SYPL1: variants seen among roughly 807,000 people sequenced by gnomAD.
The protein encoded by SYPL1 is synaptophysin like 1, also known as synaptophysin-like protein 1.
A neutral mutation model predicts 23.7 loss-of-function variants in SYPL1; 6 were observed. That is an observed-to-expected ratio of 0.25 (90% CI 0.14 to 0.50). The LOEUF (loss-of-function observed/expected upper bound fraction) is 0.50. Ranked by LOEUF, SYPL1 falls within the 20% of genes least tolerant of loss-of-function variation. The probability of loss-of-function intolerance (pLI) is 0.98; values close to 1 mark genes in which losing one functional copy is unlikely to be tolerated. For missense variants in SYPL1, 253 were observed against 288.9 expected, an observed-to-expected ratio of 0.88 and a Z score of 0.90; for synonymous variants, 102 against 104.5, an observed-to-expected ratio of 0.98 and a Z score of 0.15.
intron 1 of SYPL1, among the ~76,000 whole-genome samples, chr7:106,107,151 A>G (rs1405957840): frequency 6.6e-6 from 1 of 152,360 alleles, no homozygotes; most frequent in Admixed American, 6.5e-5. Context: ...TGCTGGTTTT[A>G]AGTCAAATGA....
intron 1 of SYPL1, among the ~76,000 whole-genome samples, chr7:106,110,993 A>G (rs1790116035): frequency 6.6e-6 from 1 of 152,346 alleles, no homozygotes; most frequent in South Asian, 2.1e-4. Flanking sequence ...GGTTTAAAAA[A>G]ATCAAGTATA....
rs1840022069 is a variant in SYPL1, at chr7:106,096,458, C to T, written c.402+1232G>A. Among the ~76,000 whole-genome samples, 1 of 152,136 alleles carries T rather than the reference C, an allele frequency of 6.6e-6. No homozygotes were observed. The highest frequency in any genetic ancestry group is 1.5e-5 in the Non-Finnish European group (1 of 68,018). ...ATACATATGAATGACCAGTATCACA[C>T]ATAAAAAACACCTCTGTTTTCCCTT... is the stretch of plus-strand genomic sequence containing the variant. On this transcript the variant is annotated intron_variant, in intron 3 of 4. Transcript: ENST00000455385. This position sits in a 1 kb window ranked among gnomAD's most constrained non-coding sequence, Gnocchi z 4.4.
At chr7:106,105,328 A>G (rs757172811) in intron 1 of SYPL1, among the ~76,000 whole-genome samples, 4 of 151,732 alleles carry the variant, frequency 2.6e-5, no homozygotes, top group Non-Finnish European at 5.9e-5. Flanking sequence ...TTATTTTCCC[A>G]TATACTCCTA....
upstream of SYPL1, chr7:106,112,487 G>A (rs1442688400): frequency 2.6e-6 from 4 of 1,521,872 alleles, no homozygotes; most frequent in Non-Finnish European, 2.6e-6. Context: ...ACCTGGCCGA[G>A]TCGACTGATC....
At position 106,091,671 on chromosome 7, in the gene SYPL1, A is replaced by C; in HGVS notation, c.*134T>G. 1.1e-6 allele frequency: 1 copy of C among 916,580 alleles called. No individual in the cohort carries two copies. The highest frequency in any genetic ancestry group is 1.5e-6 in the Non-Finnish European group (1 of 664,604). The allele number at this position is 916,580 out of a possible 1,614,324, so 56.8% of individuals were successfully genotyped here. On this transcript the variant is annotated 3_prime_UTR_variant, in exon 5 of 5. Transcript: ENST00000455385. The surrounding 1 kb of genome is among the most constrained non-coding windows in gnomAD (Gnocchi z 5.0). ...GAAAGGCACAGGCTTTATGTAAAAA[A>C]GCAGCAAAGTTTTAAACCCACCAAT...
At chr7:106,092,905 A>G in intron 4 of SYPL1, 44 bp downstream of exon 4, 1 of 1,445,390 alleles carries the variant, frequency 6.9e-7, no homozygotes, top group Non-Finnish European at 9.1e-7. Context: ...TAGTACTTTA[A>G]ACAAATATAT....
intron 1 of SYPL1, 145 bp downstream of exon 1, chr7:106,111,995 C>G: frequency 2.8e-6 from 3 of 1,054,592 alleles, no homozygotes; most frequent in Non-Finnish European, 3.5e-6. Flanking sequence ...CCTCCCTGCC[C>G]TCCCTGCCGT....
At chr7:106,103,953 C>T (rs954468251) in intron 1 of SYPL1, among the ~76,000 whole-genome samples, 4 of 152,172 alleles carry the variant, frequency 2.6e-5, no homozygotes, top group East Asian at 1.9e-4. Context: ...CATGGCTGAT[C>T]GATCCTCAAC....
rs1839984121 is a variant in SYPL1 at position 106,095,671 on chromosome 7, A to T, written c.402+2019T>A. 6.6e-6 allele frequency among the ~76,000 whole-genome samples: 1 copy of T among 152,176 alleles called. No homozygotes were observed. Among genetic ancestry groups the T allele is most frequent in the Non-Finnish European group, 1.5e-5 (1 of 68,032 alleles). On this transcript the variant is annotated intron_variant, in intron 3 of 4. Transcript: ENST00000455385. This position sits in a 1 kb window ranked among gnomAD's most constrained non-coding sequence, Gnocchi z 4.3. ...CCAGTCTCTCAAAGAAAATCTTTTAATATTTTTATGGTTACATTAAAAATA... is the reference window on the plus strand; with the variant it reads ...CCAGTCTCTCAAAGAAAATCTTTTATTATTTTTATGGTTACATTAAAAATA...
In SYPL1 at chr7:106,100,982, C is replaced by T. The variant is rs550829425; in HGVS notation, c.70-1700G>A. On this transcript the variant is annotated intron_variant, in intron 1 of 4. Transcript: ENST00000455385. This position sits in a 1 kb window ranked among gnomAD's most constrained non-coding sequence, Gnocchi z 5.1. ...TTTCCATGCGATACCTTTAATGACA[C>T]GGGATAAACTCTTCCTTCAGGACCT... Among the ~76,000 whole-genome samples, 4 of 152,284 alleles carry T rather than the reference C, an allele frequency of 2.6e-5. No homozygotes were observed. The highest frequency in any genetic ancestry group is 9.6e-5 in the African/African-American group (4 of 41,566).
intron 1 of SYPL1, among the ~76,000 whole-genome samples, chr7:106,111,514 T>C (rs766457408): frequency 6.6e-6 from 1 of 152,252 alleles, no homozygotes; most frequent in Non-Finnish European, 1.5e-5. Flanking sequence ...CCAAACAAAC[T>C]CGATGTCCAT....
rs933068827 is a variant in SYPL1 at position 106,096,307 on chromosome 7, T to C, written c.402+1383A>G. The C allele has an allele frequency of 6.6e-6, 1 of 152,240 alleles. No individual in the cohort carries two copies. The highest frequency in any genetic ancestry group is 2.4e-5 in the African/African-American group (1 of 41,456). 9.4% of individuals were successfully genotyped at this position (152,240 alleles called of 1,614,324 possible). A position where few individuals can be genotyped will look rare whatever the true frequency, so the allele number is the denominator to read the frequency against. ...GTATTACTTACCATTTCCATTCTTA[T>C]GATCCAGCAGCAAAATTAAAAATAA... On this transcript the variant is annotated intron_variant, in intron 3 of 4. Transcript: ENST00000455385. The surrounding 1 kb of genome is among the most constrained non-coding windows in gnomAD (Gnocchi z 4.4).
chr7:106,111,966 C>T, intron 1 of SYPL1, 174 bp downstream of exon 1: 2 of 829,288 alleles, frequency 2.4e-6, no homozygotes, highest in Non-Finnish European at 3.1e-6. Context: ...GTCTCCGCCC[C>T]GCGCGGCCCA....
chr7:106,112,396 C>T, upstream of SYPL1: 1 of 1,212,434 alleles, frequency 8.2e-7, no homozygotes, highest in Non-Finnish European at 1.0e-6. Context: ...GGCTGAGACT[C>T]TGGGGCGGAA....
chr7:106,106,668 G>A (rs1477978138), intron 1 of SYPL1, among the ~76,000 whole-genome samples: 2 of 151,946 alleles, frequency 1.3e-5, no homozygotes, highest in Non-Finnish European at 2.9e-5. Flanking sequence ...GACATGGTGG[G>A]ACTCTGTCTC....
At chr7:106,106,521 C>T (rs907192607) in intron 1 of SYPL1, among the ~76,000 whole-genome samples, 108 of 149,948 alleles carry the variant, frequency 7.2e-4, no homozygotes, top group Admixed American at 1.4e-3. Flanking sequence ...CACTGCACTC[C>T]AGCCTGGGCG....
chr7:106,094,062 G>A (rs1024561), intron 3 of SYPL1, among the ~76,000 whole-genome samples: 19,141 of 152,076 alleles, frequency 0.13, 2,089 homozygotes, highest in East Asian at 0.52. Flanking sequence ...TGTATCTTTT[G>A]GATGCTATAT....
rs976513757 is a variant in SYPL1, at chr7:106,097,477, T to C, written c.402+213A>G. Among the ~76,000 whole-genome samples the C allele has an allele frequency of 9.9e-5, 15 of 152,134 alleles. No individual in the cohort carries two copies. Among genetic ancestry groups the C allele is most frequent in the African/African-American group, 3.4e-4 (14 of 41,434 alleles). On this transcript the variant is annotated intron_variant, in intron 3 of 4. Coordinates refer to ENST00000455385, the MANE Select transcript of SYPL1 (RefSeq NM_182715.4). This position sits in a 1 kb window ranked among gnomAD's most constrained non-coding sequence, Gnocchi z 4.6. The stretch of plus-strand genomic sequence containing the variant: ...TATCTGAGTTTTTTCCAAGTTAAAA[T>C]AGATTTAAAAAAGAAATAAACTTTC...
chr7:106,110,590 G>GTGTA (rs1790094719), intron 1 of SYPL1, among the ~76,000 whole-genome samples: 1 of 152,208 alleles, frequency 6.6e-6, no homozygotes, highest in Admixed American at 6.5e-5. Flanking sequence ...CATTAACAAT[G>GTGTA]TGTAGTCTTT....
Sources: allele counts gnomAD v4.1 joint callset (sites outside exome capture counted in the v4.1 genomes callset), GRCh38; gene constraint gnomAD v4.1.1; non-coding constraint Gnocchi (gnomAD v3.1); transcripts MANE v1.5; gene names NCBI Gene and HGNC (gene_info 2026-07-23, HGNC 2026-07-21).